Variants in MYO5B observed in about 807,000 individuals in gnomAD.
MYO5B encodes myosin VB.
A neutral mutation model predicts 229.3 loss-of-function variants in MYO5B; 143 were observed. The ratio of observed to expected loss-of-function variants is 0.62; its 90% CI spans 0.54 to 0.72. The LOEUF (loss-of-function observed/expected upper bound fraction) is 0.72, where lower values mean the gene tolerates loss of function less well. MYO5B is among the 30% of genes least tolerant of loss of function. The pLI is 0.00. For missense variants in MYO5B, 2,321 were observed against 2,331.0 expected (o/e 1.00, Z 0.09); for synonymous variants, 918 against 885.2 (o/e 1.04, Z -0.66).
chr18:50,023,755 G>C (rs185698899), intron 4 of MYO5B, among the ~76,000 whole-genome samples: 63 of 152,278 alleles, frequency 4.1e-4, no homozygotes, highest in Admixed American at 1.7e-3. Flanking sequence ...GCTGTGGTAG[G>C]TAGCAGGGCG....
chr18:50,087,839 C>A (rs979497727), intron 1 of MYO5B, among the ~76,000 whole-genome samples: 1 of 152,056 alleles, frequency 6.6e-6, no homozygotes, highest in Non-Finnish European at 1.5e-5. Context: ...TGCAGGAAAA[C>A]CAAGATGAGA....
chr18:50,022,836 T>G (rs2026291473), intron 4 of MYO5B, among the ~76,000 whole-genome samples: 1 of 152,102 alleles, frequency 6.6e-6, no homozygotes, highest in Non-Finnish European at 1.5e-5. Context: ...GCAGGCCCTT[T>G]ACCCCCACCT....
intron 10 of MYO5B, among the ~76,000 whole-genome samples, chr18:49,964,248 C>A (rs2025596556): frequency 6.6e-6 from 1 of 152,194 alleles, no homozygotes; most frequent in African/African-American, 2.4e-5. Flanking sequence ...ACGAAAGTGT[C>A]TTGTTCTTCT....
Position 49,974,671 on chromosome 18 carries a change from C to G in MYO5B, c.1057-56G>C, listed in dbSNP as rs527371088. 362 of 1,580,066 alleles carry G rather than the reference C, an allele frequency of 2.3e-4. 1 individual carries two copies. In the South Asian group the frequency reaches 2.7e-3, roughly 12 times the overall value. On this transcript the variant is annotated intron_variant, in intron 9 of 39. Coordinates refer to ENST00000285039, the MANE Select transcript of MYO5B (RefSeq NM_001080467.3). The stretch of plus-strand genomic sequence containing the variant: ...GGAGTGTGGGAGACAAGCCGCCCCC[C>G]ACCAATGTCTTCCACCCTCCTGCCC...
At chr18:49,839,404 C>A in intron 35 of MYO5B, 110 bp from the exon 36 acceptor site, 1 of 1,171,450 alleles carries the variant, frequency 8.5e-7, no homozygotes, top group South Asian at 1.2e-5. Context: ...GGGGCCTACT[C>A]AGGCCCTCCC....
Position 49,893,643 on chromosome 18 carries a change from C to G in MYO5B, c.3045+1298G>C, listed in dbSNP as rs534867925. Among the ~76,000 whole-genome samples the G allele has an allele frequency of 2.2e-4, 33 of 152,304 alleles. 1 individual carries two copies. Among genetic ancestry groups the G allele is most frequent in the Admixed American group, 1.2e-3 (19 of 15,308 alleles). On this transcript the variant is annotated intron_variant, in intron 22 of 39. Transcript: ENST00000285039. ...AGTGTGGCCTTTTATGGGAAGCCTG[C>G]GTCTTACTTTCTTCTTCCCTTAATC...
chr18:49,849,180 T>G (rs2024168561), intron 32 of MYO5B, among the ~76,000 whole-genome samples: 1 of 152,200 alleles, frequency 6.6e-6, no homozygotes, highest in African/African-American at 2.4e-5. Context: ...ATCCTGACAC[T>G]CAATAGCATG....
At chr18:50,113,380 G>T (rs2031902429) in intron 1 of MYO5B, among the ~76,000 whole-genome samples, 1 of 152,146 alleles carries the variant, frequency 6.6e-6, no homozygotes, top group Non-Finnish European at 1.5e-5. Context: ...ATTTTTGCCA[G>T]TTGCACTGTA....
intron 17 of MYO5B, among the ~76,000 whole-genome samples, chr18:49,928,572 A>C (rs1403045450): frequency 6.6e-6 from 1 of 152,226 alleles, no homozygotes. Flanking sequence ...TGAACACAGG[A>C]GGCAGAGGTT....
intron 4 of MYO5B, 126 bp downstream of exon 4, chr18:50,036,724 T>A (rs1039839868): frequency 4.4e-6 from 5 of 1,131,652 alleles, no homozygotes; most frequent in African/African-American, 3.1e-5. Flanking sequence ...CTGCTTTGTT[T>A]CCAAGATGTT....
At chr18:49,880,489 G>A in intron 22 of MYO5B, 34 bp from the exon 23 acceptor site, 1 of 1,549,188 alleles carries the variant, frequency 6.5e-7, no homozygotes. Flanking sequence ...AATGTCTCAT[G>A]ATGCTGGGAA....
At chr18:49,959,068 C>A (rs901706039) in intron 12 of MYO5B, among the ~76,000 whole-genome samples, 3 of 152,188 alleles carry the variant, frequency 2.0e-5, no homozygotes, top group Admixed American at 1.3e-4. Context: ...CTGCCCCCAC[C>A]AGGAGTTCCA....
intron 4 of MYO5B, among the ~76,000 whole-genome samples, chr18:50,020,451 A>G (rs917971255): frequency 2.6e-5 from 4 of 152,154 alleles, no homozygotes; most frequent in Non-Finnish European, 4.4e-5. Flanking sequence ...AAATTCCACC[A>G]TCTGAGCTCT....
At chr18:49,836,414 T>A (rs1470781081) in intron 38 of MYO5B, among the ~76,000 whole-genome samples, 1 of 152,228 alleles carries the variant, frequency 6.6e-6, no homozygotes, top group Non-Finnish European at 1.5e-5. Flanking sequence ...TCATTATATT[T>A]AAAGAAGTTT....
At chr18:49,914,368 T>C (rs917229617) in intron 17 of MYO5B, among the ~76,000 whole-genome samples, 1 of 152,166 alleles carries the variant, frequency 6.6e-6, no homozygotes, top group Non-Finnish European at 1.5e-5. Flanking sequence ...TCCCGTCTCA[T>C]ACTCAGGTAA....
chr18:50,012,245 G>C (rs1466950842), intron 4 of MYO5B, among the ~76,000 whole-genome samples: 1 of 152,152 alleles, frequency 6.6e-6, no homozygotes, highest in Non-Finnish European at 1.5e-5. Context: ...CTTAAGAAAT[G>C]GGTCACTACA....
chr18:49,978,694 TACACACACACACACACACACACACAC>T (rs10527520), intron 9 of MYO5B, among the ~76,000 whole-genome samples: 30 of 139,210 alleles, frequency 2.2e-4, no homozygotes, highest in African/African-American at 5.7e-4. Flanking sequence ...CAGCAAGTAA[TACACACACACACACACACACACACAC>T]ACACACACAC....
chr18:50,096,503 T>C (rs2031553894), intron 1 of MYO5B, among the ~76,000 whole-genome samples: 1 of 152,080 alleles, frequency 6.6e-6, no homozygotes, highest in Non-Finnish European at 1.5e-5. Context: ...TCTGGCTATG[T>C]CACTCCGTGT....
chr18:49,905,575 T>C (rs1024771928), intron 19 of MYO5B, among the ~76,000 whole-genome samples: 1 of 152,234 alleles, frequency 6.6e-6, no homozygotes, highest in African/African-American at 2.4e-5. Flanking sequence ...TCAGCCCATG[T>C]GTCACCTGTT....
Sources: allele counts gnomAD v4.1 joint callset (sites outside exome capture counted in the v4.1 genomes callset), GRCh38; gene constraint gnomAD v4.1.1; transcripts MANE v1.5; gene names NCBI Gene and HGNC (gene_info 2026-07-23, HGNC 2026-07-21).